The following PMFBP1 variants were observed in gnomAD, a reference collection of about 807,000 sequenced individuals.
PMFBP1 encodes the protein polyamine modulated factor 1 binding protein 1.
Under a neutral mutation model 137.8 loss-of-function variants are expected in PMFBP1, and 131 were observed. The ratio of observed to expected loss-of-function variants is 0.95; its 90% CI spans 0.82 to 1.10. The LOEUF is 1.10. PMFBP1 is among the 50% of genes least tolerant of loss of function. The probability of loss-of-function intolerance (pLI) is 0.00; values close to 1 mark genes in which losing one functional copy is unlikely to be tolerated. For synonymous variants in PMFBP1, 490 were observed against 450.4 expected, an observed-to-expected ratio of 1.09 and a Z score of -1.11; for missense variants, 1,199 against 1,175.4, an observed-to-expected ratio of 1.02 and a Z score of -0.29.
the PMFBP1 span, among the ~76,000 whole-genome samples, chr16:72,200,091 G>A: frequency 3.9e-5 from 6 of 152,348 alleles, no homozygotes; most frequent in Admixed American, 2.6e-4. Context: ...ACAAGGCTCT[G>A]TGCCCGCCCT....
At chr16:72,216,208 C>A in the PMFBP1 span, among the ~76,000 whole-genome samples, 1 of 152,112 alleles carries the variant, frequency 6.6e-6, no homozygotes. Flanking sequence ...GTGGAAGAAT[C>A]CTCTATCCCA....
the PMFBP1 span, among the ~76,000 whole-genome samples, chr16:72,241,945 G>C: frequency 6.6e-6 from 1 of 152,080 alleles, no homozygotes; most frequent in East Asian, 1.9e-4. Context: ...AATTAACATA[G>C]TCTCCTTCTC....
chr16:72,172,384 G>T (rs1457940615), upstream of PMFBP1: 1 of 150,574 alleles, frequency 6.6e-6, no homozygotes, highest in Non-Finnish European at 1.5e-5. Context: ...TCCTTTATGA[G>T]TCAGCTGGGG....
At chr16:72,169,618 G>A (rs554441526) in intron 2 of PMFBP1, among the ~76,000 whole-genome samples, 34 of 151,584 alleles carry the variant, frequency 2.2e-4, no homozygotes, top group East Asian at 7.7e-4. Context: ...AGAACTTAAA[G>A]TATAATAAAA....
intron 3 of PMFBP1, 137 bp from the exon 4 acceptor site, chr16:72,154,596 T>C (rs2042954818): frequency 2.9e-6 from 3 of 1,028,522 alleles, no homozygotes; most frequent in Admixed American, 5.4e-5. Context: ...ACAGAGATCT[T>C]ATTAAACATT....
the PMFBP1 span, among the ~76,000 whole-genome samples, chr16:72,228,795 C>A: frequency 6.6e-6 from 1 of 151,124 alleles, no homozygotes; most frequent in African/African-American, 2.4e-5. Flanking sequence ...TACTTCTCTA[C>A]AGATGAGTAC....
At chr16:72,181,800 T>C (rs564344324), upstream of PMFBP1, among the ~76,000 whole-genome samples, 20 of 152,330 alleles carry the variant, frequency 1.3e-4, no homozygotes, top group Admixed American at 9.8e-4. Context: ...TTTAGTTAAA[T>C]AAATGTTTAT....
intron 3 of PMFBP1, among the ~76,000 whole-genome samples, chr16:72,163,154 G>A (rs2043089076): frequency 6.6e-6 from 1 of 152,200 alleles, no homozygotes; most frequent in East Asian, 1.9e-4. Context: ...CTAACTTTGG[G>A]TGTCCAGCAA....
chr16:72,223,960 A>G, the PMFBP1 span, among the ~76,000 whole-genome samples: 3 of 152,208 alleles, frequency 2.0e-5, no homozygotes, highest in Non-Finnish European at 4.4e-5. Flanking sequence ...GCAAATTCTT[A>G]CCTTCAGGAT....
intron 3 of PMFBP1, among the ~76,000 whole-genome samples, chr16:72,162,631 T>C (rs1245337644): frequency 6.6e-6 from 1 of 152,264 alleles, no homozygotes; most frequent in Non-Finnish European, 1.5e-5. Flanking sequence ...TGGATTTGTA[T>C]GCATAGTCTG....
At chr16:72,152,599 C>T (rs1452013748) in intron 4 of PMFBP1, among the ~76,000 whole-genome samples, 1 of 152,138 alleles carries the variant, frequency 6.6e-6, no homozygotes, top group Non-Finnish European at 1.5e-5. Flanking sequence ...AACCCCAGCA[C>T]TTTGGGAGGC....
At chr16:72,151,792 G>A (rs2042906333) in intron 4 of PMFBP1, among the ~76,000 whole-genome samples, 1 of 152,094 alleles carries the variant, frequency 6.6e-6, no homozygotes, top group Admixed American at 6.5e-5. Context: ...ATATCCCCTG[G>A]GCACTTGCTA....
At chr16:72,151,428 T>C (rs1016257934) in intron 4 of PMFBP1, among the ~76,000 whole-genome samples, 3 of 152,218 alleles carry the variant, frequency 2.0e-5, no homozygotes, top group African/African-American at 7.2e-5. Flanking sequence ...ATTAGACATA[T>C]GCTCACCCCT....
At chr16:72,201,142 C>A in the PMFBP1 span, among the ~76,000 whole-genome samples, 2 of 152,184 alleles carry the variant, frequency 1.3e-5, no homozygotes, top group Non-Finnish European at 2.9e-5. Context: ...ATTGCTTTCC[C>A]AGCTCTTCCC....
At chr16:72,193,596 T>G in the PMFBP1 span, among the ~76,000 whole-genome samples, 1 of 151,966 alleles carries the variant, frequency 6.6e-6, no homozygotes, top group Non-Finnish European at 1.5e-5. Flanking sequence ...GCTTGGAGAT[T>G]TTTTATGTGA....
intron 18 of PMFBP1, 21 bp downstream of exon 18, chr16:72,123,525 C>T (rs773356319): frequency 1.2e-6 from 2 of 1,610,642 alleles, no homozygotes; most frequent in Non-Finnish European, 1.7e-6. Flanking sequence ...ACCCTGCCTC[C>T]CTTTTTCCTC....
downstream of PMFBP1, among the ~76,000 whole-genome samples, chr16:72,118,536 C>A (rs2042330524): frequency 2.6e-5 from 4 of 152,188 alleles, no homozygotes; most frequent in Admixed American, 2.6e-4. Flanking sequence ...TAAGATCTTT[C>A]ATTTCTTTCC....
the PMFBP1 span, among the ~76,000 whole-genome samples, chr16:72,211,565 G>A: frequency 6.6e-6 from 1 of 151,896 alleles, no homozygotes; most frequent in Non-Finnish European, 1.5e-5. Flanking sequence ...CAAACAGAAA[G>A]AGAAATAATG....
intron 3 of PMFBP1, among the ~76,000 whole-genome samples, chr16:72,163,886 A>G (rs766790656): frequency 6.6e-6 from 1 of 151,642 alleles, no homozygotes; most frequent in South Asian, 2.1e-4. Context: ...ATGCAAAGGC[A>G]TAAGAGTGAA....
Sources: allele counts gnomAD v4.1 joint callset (sites outside exome capture counted in the v4.1 genomes callset), GRCh38; gene constraint gnomAD v4.1.1; transcripts MANE v1.5; gene names NCBI Gene and HGNC (gene_info 2026-07-23, HGNC 2026-07-21).